ZNF521: variants seen among roughly 807,000 people sequenced by gnomAD.
The protein encoded by ZNF521 is LYST-interacting protein 3.
In ZNF521, 14 loss-of-function variants were observed where a neutral mutation model predicts 105.5. The ratio of observed to expected loss-of-function variants is 0.13; its 90% confidence interval spans 0.09 to 0.21. ZNF521 has a LOEUF of 0.21. Among genes scored for constraint, ZNF521 ranks in the 10% least tolerant of loss-of-function variants. ZNF521 has a pLI of 1.00. For synonymous variants in ZNF521, 635 were observed against 606.0 expected (o/e 1.05, Z -0.70); for missense variants, 1,233 against 1,629.7 (o/e 0.76, Z 4.19).
intron 5 of ZNF521, among the ~76,000 whole-genome samples, chr18:25,125,725 T>C (rs1031941190): frequency 8.6e-5 from 1 of 11,684 alleles, no homozygotes; most frequent in Non-Finnish European, 3.2e-4. Context: ...CAAAACTGCT[T>C]TTTTTTTTTT....
chr18:25,167,425 G>A (rs1005026003), intron 5 of ZNF521, among the ~76,000 whole-genome samples: 2 of 152,050 alleles, frequency 1.3e-5, no homozygotes, highest in African/African-American at 4.8e-5. Flanking sequence ...AAGTGTTTTA[G>A]GAATAAGATA....
At chr18:25,089,835 A>G (rs950820764) in intron 6 of ZNF521, among the ~76,000 whole-genome samples, 1 of 152,080 alleles carries the variant, frequency 6.6e-6, no homozygotes, top group African/African-American at 2.4e-5. Context: ...GCTCCCTATA[A>G]ATCTTTAAAA....
chr18:25,309,571 TAAACC>T (rs2145101768), intron 3 of ZNF521, among the ~76,000 whole-genome samples: 1 of 152,218 alleles, frequency 6.6e-6, no homozygotes, highest in East Asian at 1.9e-4. Flanking sequence ...ATATAAATAT[TAAACC>T]AGACCATACA....
In ZNF521 at chr18:25,062,616, A is replaced by C; in HGVS notation, c.*96T>G. The C allele has an allele frequency of 7.0e-7, 1 of 1,432,384 alleles. No homozygotes were observed. Among genetic ancestry groups the C allele is most frequent in the Non-Finnish European group, 9.6e-7 (1 of 1,040,856 alleles). 88.7% of individuals were successfully genotyped at this position (1,432,384 alleles called of 1,614,324 possible). A position where few individuals can be genotyped will look rare whatever the true frequency, so the allele number is the denominator to read the frequency against. On this transcript the variant is annotated 3_prime_UTR_variant, in exon 8 of 8. Coordinates refer to ENST00000361524, the MANE Select transcript of ZNF521 (RefSeq NM_015461.3). ...TTATGGTACAATACAATGTTTCTGA[A>C]TAATATACATTAACAATGAAAGTTT...
At chr18:25,089,692 C>CT (rs2033703126) in intron 6 of ZNF521, 112 bp from the exon 7 acceptor site, 7 of 800,874 alleles carry the variant, frequency 8.7e-6, no homozygotes, top group Non-Finnish European at 1.5e-5. Context: ...CCAGGTGTGA[C>CT]TTACTGCCTG....
chr18:25,132,071 C>T (rs753395220), intron 5 of ZNF521, among the ~76,000 whole-genome samples: 2 of 152,042 alleles, frequency 1.3e-5, no homozygotes, highest in Non-Finnish European at 2.9e-5. Context: ...CAAGAGATCC[C>T]AAAGTCAGAA....
intron 5 of ZNF521, among the ~76,000 whole-genome samples, chr18:25,141,980 A>T (rs2034856896): frequency 6.6e-6 from 1 of 152,196 alleles, no homozygotes; most frequent in South Asian, 2.1e-4. Flanking sequence ...GGGCAAAAAC[A>T]TAAAAATTTG....
intron 5 of ZNF521, among the ~76,000 whole-genome samples, chr18:25,134,190 T>C (rs1327033681): frequency 6.6e-6 from 1 of 152,118 alleles, no homozygotes; most frequent in African/African-American, 2.4e-5. Context: ...GCAGAGTGGC[T>C]GCAAGTACAA....
At chr18:25,146,119 A>C (rs2034938520) in intron 5 of ZNF521, among the ~76,000 whole-genome samples, 1 of 152,148 alleles carries the variant, frequency 6.6e-6, no homozygotes, top group Admixed American at 6.6e-5. Flanking sequence ...GAGTCTTTGC[A>C]AGGTTGTGTC....
chr18:25,279,657 G>A (rs557628306), intron 3 of ZNF521, among the ~76,000 whole-genome samples: 5 of 152,188 alleles, frequency 3.3e-5, no homozygotes, highest in Admixed American at 6.5e-5. Flanking sequence ...TATGAATGCC[G>A]TGATGTGGAA....
chr18:25,152,848 A>C (rs1359135359), intron 5 of ZNF521, among the ~76,000 whole-genome samples: 5 of 152,160 alleles, frequency 3.3e-5, no homozygotes, highest in Non-Finnish European at 7.3e-5. Context: ...GCATTAATGA[A>C]AACAGTGGAA....
chr18:25,233,009 G>A (rs1298827299), intron 3 of ZNF521, among the ~76,000 whole-genome samples: 5 of 152,136 alleles, frequency 3.3e-5, no homozygotes, highest in Non-Finnish European at 5.9e-5. Context: ...TCCTGGGGGA[G>A]ATACACAGGT....
intron 3 of ZNF521, among the ~76,000 whole-genome samples, chr18:25,253,862 G>A (rs1908286364): frequency 1.3e-5 from 2 of 152,112 alleles, no homozygotes; most frequent in Non-Finnish European, 2.9e-5. Context: ...AATAGCAGAT[G>A]TGGGGGGGAA....
intron 5 of ZNF521, among the ~76,000 whole-genome samples, chr18:25,182,449 C>T (rs1303581255): frequency 3.3e-5 from 5 of 152,130 alleles, no homozygotes; most frequent in African/African-American, 9.7e-5. Context: ...ACTCTTGTAA[C>T]CTGAGGTCAA....
intron 7 of ZNF521, among the ~76,000 whole-genome samples, chr18:25,085,024 C>G (rs1442267726): frequency 1.3e-5 from 2 of 152,108 alleles, no homozygotes; most frequent in Non-Finnish European, 2.9e-5. Context: ...ACATGTGAAA[C>G]ATTGAACACA....
intron 2 of ZNF521, among the ~76,000 whole-genome samples, chr18:25,326,270 G>A (rs1424166303): frequency 6.6e-6 from 1 of 152,156 alleles, no homozygotes; most frequent in African/African-American, 2.4e-5. Flanking sequence ...AAGCTAAAAT[G>A]TCAAACTACT....
intron 3 of ZNF521, among the ~76,000 whole-genome samples, chr18:25,264,048 C>T (rs1040585854): frequency 6.6e-6 from 1 of 152,026 alleles, no homozygotes; most frequent in Non-Finnish European, 1.5e-5. Flanking sequence ...TTACTTGTTC[C>T]AGATAGATAC....
At chr18:25,152,249 C>T (rs1346439102) in intron 5 of ZNF521, among the ~76,000 whole-genome samples, 2 of 152,058 alleles carry the variant, frequency 1.3e-5, no homozygotes, top group African/African-American at 2.4e-5. Context: ...GAGGCCGAGG[C>T]GGGTGGATCA....
intron 5 of ZNF521, among the ~76,000 whole-genome samples, chr18:25,158,030 A>G (rs1299694006): frequency 6.6e-6 from 1 of 152,202 alleles, no homozygotes; most frequent in African/African-American, 2.4e-5. Context: ...CTGGGATTAC[A>G]GGCATCAGCC....
Sources: gnomAD v4.1 joint callset for allele counts (sites outside exome capture counted in the v4.1 genomes callset) on GRCh38, gnomAD v4.1.1 for gene constraint, MANE v1.5 for transcripts, NCBI Gene and HGNC (gene_info 2026-07-23, HGNC 2026-07-21) for gene names.